TLCD4: variants seen among roughly 807,000 people sequenced by gnomAD.
The protein encoded by TLCD4 is TLC domain-containing protein 4.
Under a neutral mutation model 24.2 loss-of-function variants are expected in TLCD4, and 7 were observed. The observed-to-expected ratio is 0.29, with a 90% CI of 0.16 to 0.54. The LOEUF is 0.54. Ranked by LOEUF, TLCD4 falls within the 20% of genes least tolerant of loss-of-function variation. TLCD4 has a pLI of 0.95. For synonymous variants in TLCD4, 103 were observed against 106.4 expected (o/e 0.97, Z 0.20); for missense variants, 259 against 313.9 (o/e 0.82, Z 1.32).
chr1:95,119,775 G>A (rs1257870720), intron 1 of TLCD4, among the ~76,000 whole-genome samples: 1 of 150,776 alleles, frequency 6.6e-6, no homozygotes, highest in Non-Finnish European at 1.5e-5. Flanking sequence ...GGGCAGTTTA[G>A]TTTGTAAGAA....
chr1:95,135,320 G>T (rs1213638760), intron 1 of TLCD4, among the ~76,000 whole-genome samples: 2 of 151,950 alleles, frequency 1.3e-5, no homozygotes, highest in Non-Finnish European at 2.9e-5. Flanking sequence ...GGGCTAGAGG[G>T]TGGTTAAGTT....
At chr1:95,186,178 A>G (rs533042014) in intron 6 of TLCD4, among the ~76,000 whole-genome samples, 14 of 152,290 alleles carry the variant, frequency 9.2e-5, no homozygotes, top group African/African-American at 3.4e-4. Context: ...AGTACAAAGG[A>G]GGTACTATCA....
intron 3 of TLCD4, among the ~76,000 whole-genome samples, chr1:95,149,571 A>C (rs575219820): frequency 2.9e-4 from 44 of 152,344 alleles, no homozygotes; most frequent in Non-Finnish European, 5.7e-4. Flanking sequence ...CAGTATTGAT[A>C]CATTTTCATT....
chr1:95,113,885 T>A (rs1013777304), upstream of TLCD4, among the ~76,000 whole-genome samples: 1 of 152,042 alleles, frequency 6.6e-6, no homozygotes, highest in Non-Finnish European at 1.5e-5. Flanking sequence ...GAGGCTGTCA[T>A]GTGATATGGT....
At chr1:95,107,450 T>C in the TLCD4 span, among the ~76,000 whole-genome samples, 1 of 152,118 alleles carries the variant, frequency 6.6e-6, no homozygotes, top group Non-Finnish European at 1.5e-5. Flanking sequence ...AAATTTGCTC[T>C]TTTAATTTTT....
chr1:95,166,924 G>A (rs930580268), intron 5 of TLCD4, among the ~76,000 whole-genome samples: 53 of 151,730 alleles, frequency 3.5e-4, no homozygotes, highest in Non-Finnish European at 5.9e-5. Flanking sequence ...TTGTAGACGT[G>A]GGGTCTTACT....
chr1:95,138,440 T>C (rs894002021), intron 1 of TLCD4: 2 of 152,188 alleles, frequency 1.3e-5, no homozygotes, highest in African/African-American at 2.4e-5. Context: ...TGTACAGTCA[T>C]GCATTGCTTA....
At chr1:95,126,432 GAA>G (rs35106714) in intron 1 of TLCD4, among the ~76,000 whole-genome samples, 174 of 137,230 alleles carry the variant, frequency 1.3e-3, no homozygotes, top group East Asian at 3.9e-3. Context: ...TGTCTCAGGA[GAA>G]AAAAAAAAAA....
At chr1:95,105,955 C>A in the TLCD4 span, among the ~76,000 whole-genome samples, 6 of 147,860 alleles carry the variant, frequency 4.1e-5, no homozygotes, top group Admixed American at 4.1e-4. Context: ...AAGACTACTG[C>A]AAAGAGGACT....
At chr1:95,171,730 TAAAAC>T (rs1678235203) in intron 5 of TLCD4, among the ~76,000 whole-genome samples, 3 of 152,212 alleles carry the variant, frequency 2.0e-5, no homozygotes, top group South Asian at 2.1e-4. Flanking sequence ...ATTAGGGAGA[TAAAAC>T]AGAACATATT....
chr1:95,114,595 C>T (rs894082491), upstream of TLCD4, among the ~76,000 whole-genome samples: 1 of 152,044 alleles, frequency 6.6e-6, no homozygotes, highest in Non-Finnish European at 1.5e-5. Context: ...TTTGGGAAGT[C>T]GAGGTGGGTG....
chr1:95,172,091 C>G (rs931756939), intron 5 of TLCD4, among the ~76,000 whole-genome samples: 4 of 152,200 alleles, frequency 2.6e-5, no homozygotes, highest in African/African-American at 7.2e-5. Context: ...CTGCAGAGAG[C>G]TCATGACCCT....
chr1:95,119,006 C>T (rs1676504805), intron 1 of TLCD4, among the ~76,000 whole-genome samples: 1 of 152,134 alleles, frequency 6.6e-6, no homozygotes, highest in African/African-American at 2.4e-5. Flanking sequence ...TCTTTACTGT[C>T]CTCATCCTTG....
chr1:95,112,507 T>C (rs1475016713), upstream of TLCD4, among the ~76,000 whole-genome samples: 1 of 152,038 alleles, frequency 6.6e-6, no homozygotes, highest in Non-Finnish European at 1.5e-5. Flanking sequence ...TTCAGACTAC[T>C]AGGGAAAATG....
At chr1:95,109,958 T>TACACACAC in the TLCD4 span, among the ~76,000 whole-genome samples, 2 of 108,082 alleles carry the variant, frequency 1.9e-5, no homozygotes, top group Non-Finnish European at 3.7e-5. Flanking sequence ...TATATATATA[T>TACACACAC]ACACACACAC....
At chr1:95,174,011 T>TA (rs1678328335) in intron 6 of TLCD4, 122 bp downstream of exon 6, 1 of 1,369,448 alleles carries the variant, frequency 7.3e-7, no homozygotes, top group South Asian at 1.4e-5. Flanking sequence ...TATGAATTGT[T>TA]ATCACCATCA....
intron 1 of TLCD4, among the ~76,000 whole-genome samples, chr1:95,126,817 C>T (rs192917036): frequency 1.3e-5 from 2 of 152,262 alleles, no homozygotes; most frequent in African/African-American, 4.8e-5. Flanking sequence ...TTAAGTCCTA[C>T]CTAGGCTCTA....
intron 5 of TLCD4, among the ~76,000 whole-genome samples, chr1:95,167,387 A>G (rs772624872): frequency 9.9e-5 from 15 of 152,166 alleles, no homozygotes; most frequent in Non-Finnish European, 2.1e-4. Context: ...AAGTTTGCCA[A>G]TAAATATTTC....
intron 5 of TLCD4, among the ~76,000 whole-genome samples, chr1:95,160,030 C>T (rs1677741761): frequency 6.6e-6 from 1 of 152,086 alleles, no homozygotes; most frequent in Non-Finnish European, 1.5e-5. Flanking sequence ...TAGTTTTTTC[C>T]AATTCTGTGA....
Sources: gnomAD v4.1 joint callset for allele counts (sites outside exome capture counted in the v4.1 genomes callset) on GRCh38, gnomAD v4.1.1 for gene constraint, MANE v1.5 for transcripts, NCBI Gene and HGNC (gene_info 2026-07-23, HGNC 2026-07-21) for gene names.